Variants in PLPPR1 observed in about 807,000 individuals in gnomAD.
PLPPR1 encodes the protein phospholipid phosphatase related 1.
PLPPR1 carries 10 observed loss-of-function variants against 33.1 expected under a neutral mutation model. The ratio of observed to expected loss-of-function variants is 0.30; its 90% CI spans 0.19 to 0.51. The LOEUF is 0.51. PLPPR1 is among the 20% of genes least tolerant of loss of function. The pLI is 0.97. For missense variants in PLPPR1, 304 were observed against 408.1 expected (o/e 0.74, Z 2.20); for synonymous variants, 151 against 151.0 (o/e 1.00, Z 0.00).
chr9:101,231,346 A>G (rs1404712396), intron 2 of PLPPR1, among the ~76,000 whole-genome samples: 1 of 145,784 alleles, frequency 6.9e-6, no homozygotes, highest in African/African-American at 2.6e-5. Flanking sequence ...TCTCCTGGCT[A>G]TAAATGAGAT....
At chr9:101,107,856 C>A (rs1055877416) in intron 1 of PLPPR1, among the ~76,000 whole-genome samples, 1 of 150,952 alleles carries the variant, frequency 6.6e-6, no homozygotes, top group Non-Finnish European at 1.5e-5. Context: ...TCGTGGTGCG[C>A]CGTTTTTTAA....
chr9:101,120,349 T>C (rs1410506936), intron 1 of PLPPR1, among the ~76,000 whole-genome samples: 2 of 152,246 alleles, frequency 1.3e-5, no homozygotes, highest in African/African-American at 4.8e-5. Context: ...CAAGGAAAGA[T>C]AACATTTGGA....
intron 2 of PLPPR1, among the ~76,000 whole-genome samples, chr9:101,222,680 G>T (rs954449150): frequency 1.3e-5 from 2 of 152,168 alleles, no homozygotes; most frequent in African/African-American, 4.8e-5. Flanking sequence ...AAACAGTATG[G>T]AAGTCAACAG....
At chr9:101,222,267 G>A (rs1481654154) in intron 2 of PLPPR1, among the ~76,000 whole-genome samples, 2 of 152,204 alleles carry the variant, frequency 1.3e-5, no homozygotes, top group Admixed American at 6.5e-5. Flanking sequence ...GTTAGATGAT[G>A]TGCCAATACA....
chr9:101,226,257 G>GTTGA (rs761803602), intron 2 of PLPPR1, among the ~76,000 whole-genome samples: 7 of 152,058 alleles, frequency 4.6e-5, no homozygotes, highest in Non-Finnish European at 8.8e-5. Context: ...ATGTATGTGT[G>GTTGA]TTGATTCCCC....
chr9:101,200,566 A>T (rs907010600), intron 2 of PLPPR1, among the ~76,000 whole-genome samples: 1 of 152,186 alleles, frequency 6.6e-6, no homozygotes, highest in Admixed American at 6.5e-5. Flanking sequence ...TCTGAGAGCT[A>T]TGTGATCCAG....
At chr9:101,083,774 A>T (rs1830647743) in intron 1 of PLPPR1, among the ~76,000 whole-genome samples, 2 of 152,224 alleles carry the variant, frequency 1.3e-5, no homozygotes, top group African/African-American at 2.4e-5. Context: ...TCATCTGTTT[A>T]CTTATAAATG....
chr9:101,324,208 G>A lies in PLPPR1; in HGVS notation c.*151G>A. The A allele has an allele frequency of 1.9e-6, 1 of 519,970 alleles. No homozygotes were observed. The highest frequency in any genetic ancestry group is 3.3e-6 in the Non-Finnish European group (1 of 305,800). The allele number at this position is 519,970 out of a possible 1,614,324, so 32.2% of individuals were successfully genotyped here. On this transcript the variant is annotated 3_prime_UTR_variant, in exon 8 of 8. Transcript: ENST00000374874. ...TTGTACATTTTTTGTATGAGGAAGT[G>A]ATGTAGCTTGCCCTGATTTTTTTTT... is the stretch of plus-strand genomic sequence containing the variant.
intron 4 of PLPPR1, among the ~76,000 whole-genome samples, chr9:101,295,565 C>T (rs1828610945): frequency 2.0e-5 from 3 of 150,748 alleles, no homozygotes. Flanking sequence ...TACAAGGCTA[C>T]AGTAACCAAA....
At chr9:101,225,786 C>G (rs1414565129) in intron 2 of PLPPR1, among the ~76,000 whole-genome samples, 4 of 121,296 alleles carry the variant, frequency 3.3e-5, no homozygotes, top group Non-Finnish European at 4.8e-5. Flanking sequence ...TTAAATGTGT[C>G]AGATACTAGA....
Position 101,200,532 on chromosome 9 carries a change from A to G in PLPPR1, c.63+14975A>G, listed in dbSNP as rs562151842. ...ATTTGAAGGATAGAGGGCTAAAACA[A>G]TTTTTAAAGAGATTTGAATTAAATC... On this transcript the variant is annotated intron_variant, in intron 2 of 7. Coordinates refer to ENST00000374874, the MANE Select transcript of PLPPR1 (RefSeq NM_207299.2). 2.0e-5 allele frequency among the ~76,000 whole-genome samples: 3 copies of G among 152,338 alleles called. No homozygotes were observed. The East Asian group carries it at 5.8e-4, about 29-fold the overall frequency.
chr9:101,056,341 T>A (rs1337358637), intron 1 of PLPPR1, among the ~76,000 whole-genome samples: 1 of 152,200 alleles, frequency 6.6e-6, no homozygotes, highest in African/African-American at 2.4e-5. Context: ...GTTACAGTGA[T>A]AGATTTTAAA....
chr9:101,269,717 G>A (rs1335932109), intron 2 of PLPPR1, 163 bp from the exon 3 acceptor site: 1 of 657,726 alleles, frequency 1.5e-6, no homozygotes, highest in Non-Finnish European at 2.7e-6. Flanking sequence ...AGGCAGACAA[G>A]CAAGCACACA....
intron 1 of PLPPR1, among the ~76,000 whole-genome samples, chr9:101,142,889 G>A (rs1831471577): frequency 6.6e-6 from 1 of 152,124 alleles, no homozygotes; most frequent in South Asian, 2.1e-4. Context: ...TTATGAGTGA[G>A]AAAAGCAAAC....
chr9:101,104,598 T>C (rs1349913235), intron 1 of PLPPR1, among the ~76,000 whole-genome samples: 1 of 126,210 alleles, frequency 7.9e-6, no homozygotes, highest in Non-Finnish European at 1.6e-5. Context: ...AGGATATTGG[T>C]CTAAAATTCT....
chr9:101,175,284 C>G (rs769133924), intron 1 of PLPPR1, among the ~76,000 whole-genome samples: 9 of 152,058 alleles, frequency 5.9e-5, no homozygotes, highest in Non-Finnish European at 1.3e-4. Flanking sequence ...TTGTGGACAC[C>G]TTTCTTCATG....
chr9:101,180,181 C>T (rs1015334498), intron 1 of PLPPR1, among the ~76,000 whole-genome samples: 1 of 143,730 alleles, frequency 7.0e-6, no homozygotes, highest in Admixed American at 7.0e-5. Flanking sequence ...CACACAGACA[C>T]ACACATATAT....
chr9:101,135,177 T>C (rs1425157549), intron 1 of PLPPR1, among the ~76,000 whole-genome samples: 13 of 152,164 alleles, frequency 8.5e-5, no homozygotes, highest in Admixed American at 5.2e-4. Context: ...TGGTAATTTT[T>C]CTAATTTTGT....
intron 2 of PLPPR1, among the ~76,000 whole-genome samples, chr9:101,233,306 T>A (rs779696983): frequency 6.6e-6 from 1 of 151,944 alleles, no homozygotes; most frequent in Non-Finnish European, 1.5e-5. Context: ...GTGTAATGAT[T>A]AAAAAATTAT....
Sources: allele counts gnomAD v4.1 joint callset (sites outside exome capture counted in the v4.1 genomes callset), GRCh38; gene constraint gnomAD v4.1.1; transcripts MANE v1.5; gene names NCBI Gene and HGNC (gene_info 2026-07-23, HGNC 2026-07-21).